Variants in RALGAPB observed in about 807,000 individuals in gnomAD.
RALGAPB encodes the protein ral GTPase-activating protein subunit beta.
A neutral mutation model predicts 161.1 loss-of-function variants in RALGAPB; 25 were observed. The ratio of observed to expected loss-of-function variants is 0.16; its 90% confidence interval spans 0.11 to 0.22. RALGAPB has a LOEUF of 0.22. Among genes scored for constraint, RALGAPB ranks in the 10% least tolerant of loss-of-function variants. The pLI is 1.00. For missense variants in RALGAPB, 1,391 were observed against 1,815.2 expected (o/e 0.77, Z 4.25); for synonymous variants, 629 against 626.1 (o/e 1.00, Z -0.07).
chr20:38,532,921 A>G, intron 15 of RALGAPB, 62 bp downstream of exon 15: 2 of 1,495,518 alleles, frequency 1.3e-6, no homozygotes. Flanking sequence ...TTACATTTAT[A>G]AAACAAAAAC....
intron 22 of RALGAPB, among the ~76,000 whole-genome samples, chr20:38,557,438 T>C (rs902567662): frequency 2.6e-5 from 4 of 152,238 alleles, no homozygotes; most frequent in Non-Finnish European, 5.9e-5. Context: ...AAGTGTATAA[T>C]GACATGTGTC....
chr20:38,515,208 G>A (rs2086088821), intron 6 of RALGAPB, among the ~76,000 whole-genome samples: 1 of 152,172 alleles, frequency 6.6e-6, no homozygotes, highest in South Asian at 2.1e-4. Context: ...TGGAAACAGT[G>A]TGCTACCACT....
chr20:38,518,893 T>G (rs1015433709), intron 9 of RALGAPB, among the ~76,000 whole-genome samples: 2 of 152,334 alleles, frequency 1.3e-5, no homozygotes, highest in South Asian at 2.1e-4. Flanking sequence ...AGGGAGACTG[T>G]CAGTTCCAAG....
chr20:38,569,203 T>C (rs963845581), intron 26 of RALGAPB: 25 of 152,238 alleles, frequency 1.6e-4, no homozygotes, highest in Admixed American at 8.5e-4. Context: ...TTCTTCCCTC[T>C]GTACACATGA....
At chr20:38,550,720 G>T (rs1358022207) in intron 20 of RALGAPB, among the ~76,000 whole-genome samples, 1 of 152,188 alleles carries the variant, frequency 6.6e-6, no homozygotes, top group Admixed American at 6.5e-5. Context: ...TATATTGAAT[G>T]ATGTGAGAGC....
intron 24 of RALGAPB, among the ~76,000 whole-genome samples, chr20:38,564,563 C>T (rs1308235346): frequency 2.0e-5 from 3 of 151,978 alleles, no homozygotes; most frequent in East Asian, 3.8e-4. Context: ...ATTTTTGGTC[C>T]GATTGTTGGT....
In RALGAPB at chr20:38,577,737, A is replaced by G. The variant is rs576096699; in HGVS notation, c.*2770A>G. On this transcript the variant is annotated 3_prime_UTR_variant, in exon 30 of 30. Coordinates refer to ENST00000262879, the MANE Select transcript of RALGAPB (RefSeq NM_020336.4). ...CACACACACACACACACACACTCGC[A>G]TACTCATGCACATTTTCCTTCATTT... 2.0e-5 allele frequency: 3 copies of G among 146,358 alleles called. No individual in the cohort carries two copies. Among genetic ancestry groups the G allele is most frequent in the African/African-American group, 7.4e-5 (3 of 40,652 alleles). The allele number at this position is 146,358 out of a possible 1,614,324, so 9.1% of individuals were successfully genotyped here. A position where few individuals can be genotyped will look rare whatever the true frequency, so the allele number is the denominator to read the frequency against.
At chr20:38,562,748 G>GT (rs11479954) in intron 24 of RALGAPB, 51 bp downstream of exon 24, 92,017 of 1,082,290 alleles carry the variant, frequency 0.085, no homozygotes, top group South Asian at 0.11. Context: ...TGTTAGTCTT[G>GT]TTTTTTTTTT....
chr20:38,569,753 T>C lies in RALGAPB; in HGVS notation c.3955-135T>C, dbSNP rs186181406. 3.4e-4 allele frequency: 219 copies of C among 643,842 alleles called. No homozygotes were observed. The African/African-American group carries it at 3.5e-3, about 10-fold the overall frequency. 39.9% of individuals were successfully genotyped at this position (643,842 alleles called of 1,614,324 possible). A position where few individuals can be genotyped will look rare whatever the true frequency, so the allele number is the denominator to read the frequency against. Reference sequence around the variant, plus strand: ...GCTTTGTTGCAAATGTATACACTTTTTCCTAAAGTGATTTTCCATGACCTG... The same window carrying C: ...GCTTTGTTGCAAATGTATACACTTTCTCCTAAAGTGATTTTCCATGACCTG... On this transcript the variant is annotated intron_variant, in intron 26 of 29. Coordinates refer to ENST00000262879, the MANE Select transcript of RALGAPB (RefSeq NM_020336.4).
intron 20 of RALGAPB, among the ~76,000 whole-genome samples, chr20:38,549,690 T>C (rs1006178816): frequency 1.3e-5 from 2 of 152,020 alleles, no homozygotes; most frequent in Non-Finnish European, 2.9e-5. Context: ...ACTTGAGAAG[T>C]TGGAAAAATT....
At chr20:38,554,498 G>T (rs547469534) in intron 22 of RALGAPB, among the ~76,000 whole-genome samples, 1 of 152,314 alleles carries the variant, frequency 6.6e-6, no homozygotes, top group African/African-American at 2.4e-5. Flanking sequence ...TAATACTGTA[G>T]TATTTGTAAG....
chr20:38,567,201 A>G lies in RALGAPB; in HGVS notation c.3923A>G (p.Asn1308Ser), dbSNP rs773351712. Residue 1308 changes from asparagine (N) to serine (S), a missense_variant, in exon 26 of 30, where the codon AAT (asparagine) becomes AGT (serine). Physicochemically the swap from Asn to Ser is conservative, Grantham distance 46. This residue lies in a region of RALGAPB where 436 missense variants were observed against 527.0 expected (regional missense o/e 0.83). Coordinates refer to ENST00000262879, the MANE Select transcript of RALGAPB (RefSeq NM_020336.4). ...TCCCTGACACTTGAGCTTTTCCCCA[A>G]TCATACAGACAATCTTAATTCCTCA... ...QPSLTLELFP[N>S]HTDNLNSSQR... 3.1e-6 allele frequency: 5 copies of G among 1,613,634 alleles called. No individual in the cohort carries two copies. The highest frequency in any genetic ancestry group is 4.5e-5 in the East Asian group (2 of 44,856).
intron 6 of RALGAPB, among the ~76,000 whole-genome samples, chr20:38,513,225 T>C (rs1256080037): frequency 6.9e-6 from 1 of 144,996 alleles, no homozygotes; most frequent in Non-Finnish European, 1.5e-5. Context: ...AAAAATGGGC[T>C]GGGCGTGGTG....
intron 17 of RALGAPB, 30 bp from the exon 18 acceptor site, chr20:38,541,011 T>C (rs805542): frequency 0.072 from 116,026 of 1,607,238 alleles, 15,107 homozygotes; most frequent in African/African-American, 0.59. Flanking sequence ...AGGTGTGTTC[T>C]AAAAATTGAT....
intron 9 of RALGAPB, among the ~76,000 whole-genome samples, chr20:38,519,568 C>A (rs1263315949): frequency 1.3e-5 from 2 of 152,108 alleles, no homozygotes; most frequent in Non-Finnish European, 2.9e-5. Context: ...TTTGCTCACC[C>A]TCTTGCACCA....
intron 24 of RALGAPB, among the ~76,000 whole-genome samples, chr20:38,563,178 A>G (rs2087850360): frequency 6.6e-6 from 1 of 152,238 alleles, no homozygotes; most frequent in Non-Finnish European, 1.5e-5. Context: ...TATATGAAAG[A>G]TATGTATACA....
At chr20:38,498,942 C>G (rs185862154) in intron 4 of RALGAPB, among the ~76,000 whole-genome samples, 1 of 152,340 alleles carries the variant, frequency 6.6e-6, no homozygotes, top group East Asian at 1.9e-4. Context: ...GATTCCTTCA[C>G]TTACTGGCTG....
At chr20:38,481,444 A>G (rs1303412205) in intron 1 of RALGAPB, among the ~76,000 whole-genome samples, 1 of 152,212 alleles carries the variant, frequency 6.6e-6, no homozygotes, top group South Asian at 2.1e-4. Flanking sequence ...AGCAAGACAC[A>G]TCTTATGTGG....
chr20:38,507,554 T>C (rs1297904707), intron 5 of RALGAPB, among the ~76,000 whole-genome samples: 1 of 152,136 alleles, frequency 6.6e-6, no homozygotes, highest in Non-Finnish European at 1.5e-5. Context: ...TTTTGTATTT[T>C]TTGTAAAGAT....
Sources: gnomAD v4.1 joint callset for allele counts (sites outside exome capture counted in the v4.1 genomes callset) on GRCh38, gnomAD v4.1.1 for gene constraint, gnomAD v4.1.1 regional missense constraint, MANE v1.5 for transcripts, NCBI Gene and HGNC (gene_info 2026-07-23, HGNC 2026-07-21) for gene names.